The following CACNA1B variants were observed in gnomAD, a reference collection of about 807,000 sequenced individuals.
CACNA1B encodes the protein voltage-dependent N-type calcium channel subunit alpha-1B.
Under a neutral mutation model 247.2 loss-of-function variants are expected in CACNA1B, and 70 were observed. The observed-to-expected ratio is 0.28, with a 90% CI of 0.23 to 0.35. The LOEUF is 0.35. CACNA1B is among the 10% of genes least tolerant of loss of function. The pLI, the probability that CACNA1B is intolerant of heterozygous loss-of-function variation, is 1.00. For synonymous variants in CACNA1B, 1,231 were observed against 1,294.4 expected, an observed-to-expected ratio of 0.95 and a Z score of 1.05; for missense variants, 2,367 against 3,197.4, an observed-to-expected ratio of 0.74 and a Z score of 6.26.
chr9:137,954,783 C>G lies in CACNA1B; in HGVS notation c.1071-915C>G, dbSNP rs1957924368. ...CGCCCAGGGTCAGTCACGGTCAGAG[C>G]CGGGGATTGTTGCACCGGGGCTGTG... On this transcript the variant is annotated intron_variant, in intron 7 of 46. Coordinates refer to ENST00000371372, the MANE Select transcript of CACNA1B (RefSeq NM_000718.4). The surrounding 1 kb of genome is among the most constrained non-coding windows in gnomAD (Gnocchi z 4.1). Among the ~76,000 whole-genome samples the G allele has an allele frequency of 6.6e-6, 1 of 151,534 alleles. No individual in the cohort carries two copies. Among genetic ancestry groups the G allele is most frequent in the South Asian group, 2.1e-4 (1 of 4,806 alleles).
At chr9:137,892,394 GGCCT>G in intron 3 of CACNA1B, 1 of 455,488 alleles carries the variant, frequency 2.2e-6, no homozygotes, top group South Asian at 1.6e-5. Flanking sequence ...TGCAGGGCCA[GGCCT>G]GCGGGGTCCA....
At position 138,051,672 on chromosome 9, in the gene CACNA1B, C is replaced by A. The variant is rs1325306645; in HGVS notation, c.3711-420C>A. 6.6e-6 allele frequency among the ~76,000 whole-genome samples: 1 copy of A among 152,088 alleles called. No individual in the cohort carries two copies. The highest frequency in any genetic ancestry group is 2.4e-5 in the African/African-American group (1 of 41,412). On this transcript the variant is annotated intron_variant, in intron 24 of 46. Coordinates refer to ENST00000371372, the MANE Select transcript of CACNA1B (RefSeq NM_000718.4). This position sits in a 1 kb window ranked among gnomAD's most constrained non-coding sequence, Gnocchi z 4.3. ...GGCCAGACAGGTCCCCTTTACCTCCCTCTAGCCAGCCCAAAAAGCAAGGAA... is the reference window on the plus strand; with the variant it reads ...GGCCAGACAGGTCCCCTTTACCTCCATCTAGCCAGCCCAAAAAGCAAGGAA...
chr9:138,091,683 T>C (rs992124268), intron 36 of CACNA1B, among the ~76,000 whole-genome samples: 1 of 152,192 alleles, frequency 6.6e-6, no homozygotes, highest in Non-Finnish European at 1.5e-5. Flanking sequence ...ATGCAATTAT[T>C]ACATGTCAAT....
rs530193137 is a variant in CACNA1B at position 137,915,138 on chromosome 9, G to A, written c.775+332G>A. ...ATCTGAATGCAGGGAGATTGGAGCC[G>A]TGTGGCCACCTGGGCAGAACTTCAG... On this transcript the variant is annotated intron_variant, in intron 5 of 46. Coordinates refer to ENST00000371372, the MANE Select transcript of CACNA1B (RefSeq NM_000718.4). 3.7e-4 allele frequency among the ~76,000 whole-genome samples: 57 copies of A among 152,344 alleles called. 1 individual carries two copies. In the East Asian group the frequency reaches 7.1e-3, roughly 19 times the overall value.
At chr9:137,966,930 T>C (rs1057152997) in intron 10 of CACNA1B, among the ~76,000 whole-genome samples, 4 of 151,394 alleles carry the variant, frequency 2.6e-5, no homozygotes, top group African/African-American at 9.7e-5. Flanking sequence ...GCTGGGACTA[T>C]AGGTGTGCAC....
rs1296831763 is a variant in CACNA1B at position 138,052,712 on chromosome 9, G to A, written c.3807+524G>A. On this transcript the variant is annotated intron_variant, in intron 25 of 46. Coordinates refer to ENST00000371372, the MANE Select transcript of CACNA1B (RefSeq NM_000718.4). This position sits in a 1 kb window ranked among gnomAD's most constrained non-coding sequence, Gnocchi z 5.1. ...GCAGATTCTTTTACTGGAAATTCAA[G>A]CCATTGAGACCTGAGGCAATGGGGA... 6.6e-6 allele frequency among the ~76,000 whole-genome samples: 1 copy of A among 152,214 alleles called. No homozygotes were observed. Among genetic ancestry groups the A allele is most frequent in the Non-Finnish European group, 1.5e-5 (1 of 68,038 alleles).
intron 37 of CACNA1B, among the ~76,000 whole-genome samples, chr9:138,098,811 C>T (rs117682140): frequency 6.6e-5 from 10 of 152,294 alleles, no homozygotes; most frequent in Non-Finnish European, 1.5e-4. Context: ...AACCTGCGGG[C>T]CTTGAGATAG....
At position 138,037,402 on chromosome 9, in the gene CACNA1B, T is replaced by A. The variant is rs565867216; in HGVS notation, c.3287-6372T>A. On this transcript the variant is annotated intron_variant, in intron 20 of 46. Coordinates refer to ENST00000371372, the MANE Select transcript of CACNA1B (RefSeq NM_000718.4). ...GGCCGGGCTCAGTGGCTCACATGTG[T>A]AATCCCAGCACTTTGGGAGGCCAAG... is the stretch of plus-strand genomic sequence containing the variant. Among the ~76,000 whole-genome samples the A allele has an allele frequency of 2.0e-5, 3 of 152,308 alleles. No homozygotes were observed. In the East Asian group the frequency reaches 5.8e-4, roughly 29 times the overall value.
chr9:137,992,404 T>C (rs1355340378), intron 15 of CACNA1B, among the ~76,000 whole-genome samples: 1 of 152,172 alleles, frequency 6.6e-6, no homozygotes, highest in African/African-American at 2.4e-5. Context: ...CCTAAATGTA[T>C]ATGCACCTAA....
Position 137,952,451 on chromosome 9 carries a change from A to C in CACNA1B, c.1070+74A>C, listed in dbSNP as rs1358202839. ...TGAGGGGTCAACAGGGGCACGTGTGACACTTGGGGTGGGGGCCTGGCCCAT... is the reference window on the plus strand; with the variant it reads ...TGAGGGGTCAACAGGGGCACGTGTGCCACTTGGGGTGGGGGCCTGGCCCAT... On this transcript the variant is annotated intron_variant, in intron 7 of 46. Coordinates refer to ENST00000371372, the MANE Select transcript of CACNA1B (RefSeq NM_000718.4). The surrounding 1 kb of genome is among the most constrained non-coding windows in gnomAD (Gnocchi z 4.8). The C allele has an allele frequency of 3.9e-6, 5 of 1,272,006 alleles. No individual in the cohort carries two copies. The highest frequency in any genetic ancestry group is 5.7e-6 in the Non-Finnish European group (5 of 874,318). The allele number at this position is 1,272,006 out of a possible 1,614,324, so 78.8% of individuals were successfully genotyped here.
Position 137,954,525 on chromosome 9 carries a change from G to A in CACNA1B, c.1071-1173G>A, listed in dbSNP as rs912985867. ...CTGCTGGGGGGAGTTGCTGCTGGGA[G>A]CTCTCAGATCAGTTCAAGCAGTGAT... is the stretch of plus-strand genomic sequence containing the variant. On this transcript the variant is annotated intron_variant, in intron 7 of 46. Transcript: ENST00000371372. The surrounding 1 kb of genome is among the most constrained non-coding windows in gnomAD (Gnocchi z 4.1). 6.6e-6 allele frequency among the ~76,000 whole-genome samples: 1 copy of A among 152,182 alleles called. No individual in the cohort carries two copies. Among genetic ancestry groups the A allele is most frequent in the South Asian group, 2.1e-4 (1 of 4,824 alleles).
rs570060613 is a variant in CACNA1B, at chr9:137,910,461, T to C, written c.531-2719T>C. Among the ~76,000 whole-genome samples the C allele has an allele frequency of 5.3e-5, 8 of 152,274 alleles. No individual in the cohort carries two copies. The South Asian group carries it at 1.7e-3, about 32-fold the overall frequency. On this transcript the variant is annotated intron_variant, in intron 3 of 46. Coordinates refer to ENST00000371372, the MANE Select transcript of CACNA1B (RefSeq NM_000718.4). ...AGGTCGGGGGATGGTTTTGGGACGA[T>C]TCAAGTGCGTTATTACATTTATTGT...
intron 1 of CACNA1B, 46 bp from the exon 2 acceptor site, chr9:137,879,008 G>GT: frequency 7.6e-7 from 1 of 1,309,256 alleles, no homozygotes; most frequent in Non-Finnish European, 1.1e-6. Flanking sequence ...TCGGCCTCGT[G>GT]TTTCCCTCCG....
intron 3 of CACNA1B, among the ~76,000 whole-genome samples, chr9:137,910,376 C>G (rs1348713703): frequency 6.6e-6 from 1 of 152,112 alleles, no homozygotes; most frequent in African/African-American, 2.4e-5. Flanking sequence ...GGTGCAGCAG[C>G]CCCCAACCTT....
chr9:137,940,872 G>A (rs1011425248), intron 6 of CACNA1B, among the ~76,000 whole-genome samples: 1 of 152,060 alleles, frequency 6.6e-6, no homozygotes, highest in Non-Finnish European at 1.5e-5. Context: ...CATCCTTTAT[G>A]ATTAAAACCC....
At chr9:138,065,056 A>G (rs529894472) in intron 31 of CACNA1B, among the ~76,000 whole-genome samples, 1 of 152,326 alleles carries the variant, frequency 6.6e-6, no homozygotes, top group Admixed American at 6.5e-5. Context: ...AATGTGGGCT[A>G]TGAGGTTTTC....
rs777704830 is a variant in CACNA1B, at chr9:138,051,585, C to T, written c.3711-507C>T. Among the ~76,000 whole-genome samples the T allele has an allele frequency of 3.3e-5, 5 of 151,798 alleles. No homozygotes were observed. Among genetic ancestry groups the T allele is most frequent in the African/African-American group, 4.8e-5 (2 of 41,264 alleles). On this transcript the variant is annotated intron_variant, in intron 24 of 46. Coordinates refer to ENST00000371372, the MANE Select transcript of CACNA1B (RefSeq NM_000718.4). This position sits in a 1 kb window ranked among gnomAD's most constrained non-coding sequence, Gnocchi z 4.3. ...CTCTCCTTCCCCTCTTCTGTCTTCC[C>T]GCTGTCGGTTTCACGTCAGCGGGAG...
At chr9:138,111,558 G>A (rs77965236) in intron 39 of CACNA1B, among the ~76,000 whole-genome samples, 2 of 152,328 alleles carry the variant, frequency 1.3e-5, no homozygotes, top group East Asian at 3.9e-4. Flanking sequence ...ACACCTTGAC[G>A]GTGCTGCTAG....
In CACNA1B at chr9:138,010,186, T is replaced by C. The variant is rs958054354; in HGVS notation, c.2160+109T>C. The stretch of plus-strand genomic sequence containing the variant: ...GGGCCTCGTGTCCAGGAGCGTTGCC[T>C]TGGGTCCTGGCGGGCAGAGGCTGGT... On this transcript the variant is annotated intron_variant, in intron 17 of 46. Coordinates refer to ENST00000371372, the MANE Select transcript of CACNA1B (RefSeq NM_000718.4). The surrounding 1 kb of genome is among the most constrained non-coding windows in gnomAD (Gnocchi z 5.3). The C allele has an allele frequency of 7.2e-6, 6 of 838,052 alleles. No homozygotes were observed. The highest frequency in any genetic ancestry group is 1.2e-5 in the Non-Finnish European group (6 of 505,920). 51.9% of individuals were successfully genotyped at this position (838,052 alleles called of 1,614,324 possible).
Sources: allele counts gnomAD v4.1 joint callset (sites outside exome capture counted in the v4.1 genomes callset), GRCh38; gene constraint gnomAD v4.1.1; non-coding constraint Gnocchi (gnomAD v3.1); transcripts MANE v1.5; gene names NCBI Gene and HGNC (gene_info 2026-07-23, HGNC 2026-07-21).